The following CDH13 variants were observed in gnomAD, a reference collection of about 807,000 sequenced individuals.
The protein encoded by CDH13 is cadherin-13.
A neutral mutation model predicts 63.8 loss-of-function variants in CDH13; 24 were observed. That is an observed-to-expected ratio of 0.38 (90% CI 0.27 to 0.53). The LOEUF (loss-of-function observed/expected upper bound fraction) is 0.53. CDH13 is among the 20% of genes least tolerant of loss of function. CDH13 has a pLI of 0.85. For synonymous variants in CDH13, 503 were observed against 355.3 expected (o/e 1.42, Z -4.67); for missense variants, 1,049 against 903.1 (o/e 1.16, Z -2.07).
At chr16:82,914,082 G>T (rs2041914334) in intron 2 of CDH13, among the ~76,000 whole-genome samples, 1 of 152,104 alleles carries the variant, frequency 6.6e-6, no homozygotes, top group Non-Finnish European at 1.5e-5. Flanking sequence ...CTCTGAGGAA[G>T]GGACGTACAG....
intron 4 of CDH13, among the ~76,000 whole-genome samples, chr16:83,145,022 C>T (rs947658988): frequency 6.6e-5 from 10 of 152,002 alleles, no homozygotes; most frequent in African/African-American, 2.4e-4. Context: ...ATGGAGACGC[C>T]GTGGCTATGT....
At position 83,665,018 on chromosome 16, in the gene CDH13, A is replaced by G. The variant is rs78048076; in HGVS notation, c.1102-5772A>G. ...AAATGAATTGTTGTATCTTTCCGCC[A>G]TGAGATAAATCCTAATCATAGAAGA... is the stretch of plus-strand genomic sequence containing the variant. On this transcript the variant is annotated intron_variant, in intron 8 of 13. Coordinates refer to ENST00000567109, the MANE Select transcript of CDH13 (RefSeq NM_001257.5). 3.3e-3 allele frequency among the ~76,000 whole-genome samples: 508 copies of G among 152,318 alleles called. 7 individuals are homozygous for G. The highest frequency in any genetic ancestry group is 0.012 in the African/African-American group (488 of 41,564).
intron 1 of CDH13, among the ~76,000 whole-genome samples, chr16:82,702,413 C>T (rs368756634): frequency 2.6e-5 from 4 of 152,138 alleles, no homozygotes; most frequent in African/African-American, 7.2e-5. Context: ...ACAGCAGGGC[C>T]CCTGTCTTGT....
intron 1 of CDH13, chr16:82,825,806 C>T (rs1016885906): frequency 6.6e-6 from 1 of 151,692 alleles, no homozygotes; most frequent in Non-Finnish European, 1.5e-5. Flanking sequence ...CTCAGCCTCC[C>T]ACAGTGCGAG....
intron 11 of CDH13, among the ~76,000 whole-genome samples, chr16:83,762,423 G>A (rs1914049904): frequency 6.6e-6 from 1 of 152,168 alleles, no homozygotes; most frequent in Non-Finnish European, 1.5e-5. Context: ...CCAAGCGGTA[G>A]AGAGAACATT....
intron 6 of CDH13, among the ~76,000 whole-genome samples, chr16:83,482,007 A>G (rs2073777934): frequency 6.6e-6 from 1 of 152,208 alleles, no homozygotes; most frequent in Non-Finnish European, 1.5e-5. Context: ...CACCTGCTGC[A>G]TGTCAGCCCT....
chr16:83,292,166 C>T (rs139400507), intron 5 of CDH13, among the ~76,000 whole-genome samples: 1 of 152,308 alleles, frequency 6.6e-6, no homozygotes, highest in East Asian at 1.9e-4. Context: ...AACTTGGTAT[C>T]TGTCAACTGA....
intron 6 of CDH13, among the ~76,000 whole-genome samples, chr16:83,413,431 A>C (rs2092155906): frequency 6.6e-6 from 1 of 152,184 alleles, no homozygotes; most frequent in African/African-American, 2.4e-5. Flanking sequence ...AAACCGAGCG[A>C]CTTTCATTCC....
At chr16:83,675,383 A>G (rs1914869370) in intron 9 of CDH13, among the ~76,000 whole-genome samples, 1 of 152,146 alleles carries the variant, frequency 6.6e-6, no homozygotes, top group Non-Finnish European at 1.5e-5. Context: ...CCAGCCTCAC[A>G]TTGTATGGCT....
intron 1 of CDH13, among the ~76,000 whole-genome samples, chr16:82,729,942 C>T (rs2033310549): frequency 6.6e-6 from 1 of 152,300 alleles, no homozygotes; most frequent in African/African-American, 2.4e-5. Context: ...CTTTAAACCT[C>T]ATGAACCAAA....
At chr16:83,486,403 C>T in intron 6 of CDH13, 74 bp from the exon 7 acceptor site, 1 of 1,318,488 alleles carries the variant, frequency 7.6e-7, no homozygotes, top group Non-Finnish European at 1.1e-6. Flanking sequence ...TGCTATTGCC[C>T]AGGTGGGGAA....
chr16:83,770,570 C>T (rs1304223805), intron 11 of CDH13, among the ~76,000 whole-genome samples: 2 of 152,200 alleles, frequency 1.3e-5, no homozygotes, highest in East Asian at 1.9e-4. Context: ...AGAATGGCTA[C>T]TCCCCGTAGA....
In CDH13 at chr16:83,120,280, T is replaced by G. The variant is rs568472505; in HGVS notation, c.367-5105T>G. On this transcript the variant is annotated intron_variant, in intron 3 of 13. Transcript: ENST00000567109. ...AATCAAGGAAATGGATGGGCAGCTG[T>G]GGAGTTGATGAGCTGGTGAGCTGGG... Among the ~76,000 whole-genome samples the G allele has an allele frequency of 3.9e-5, 6 of 152,220 alleles. No homozygotes were observed. The East Asian group carries it at 1.2e-3, about 29-fold the overall frequency.
chr16:83,559,774 A>G (rs948063290), intron 7 of CDH13, among the ~76,000 whole-genome samples: 1 of 152,168 alleles, frequency 6.6e-6, no homozygotes, highest in African/African-American at 2.4e-5. Context: ...TCTTACTGTC[A>G]CAAAGAACAG....
At chr16:82,963,234 C>G (rs1173515905) in intron 2 of CDH13, among the ~76,000 whole-genome samples, 1 of 150,062 alleles carries the variant, frequency 6.7e-6, no homozygotes, top group African/African-American at 2.5e-5. Context: ...AAAAAAATTG[C>G]CAGGTGTGGT....
At chr16:83,683,052 A>G (rs1012994632) in intron 10 of CDH13, among the ~76,000 whole-genome samples, 1 of 152,232 alleles carries the variant, frequency 6.6e-6, no homozygotes, top group South Asian at 2.1e-4. Context: ...GACCGCGGCC[A>G]GACACCCTTT....
intron 10 of CDH13, among the ~76,000 whole-genome samples, chr16:83,723,344 C>G (rs1401830322): frequency 2.0e-5 from 3 of 152,210 alleles, no homozygotes; most frequent in East Asian, 1.9e-4. Flanking sequence ...CTCTCCATGT[C>G]CCACAGATAC....
chr16:83,048,478 T>C (rs994971772), intron 3 of CDH13, among the ~76,000 whole-genome samples: 2 of 152,196 alleles, frequency 1.3e-5, no homozygotes, highest in Admixed American at 6.5e-5. Flanking sequence ...TCATCTTTAA[T>C]TTATTGCTCT....
chr16:83,632,272 GTCCTACA>G (rs1910845579), intron 8 of CDH13, among the ~76,000 whole-genome samples: 8 of 3,078 alleles, frequency 2.6e-3, no homozygotes, highest in Admixed American at 0.024. Context: ...GTAGAGACGT[GTCCTACA>G]GTGAAATTAG....
Sources: allele counts gnomAD v4.1 joint callset (sites outside exome capture counted in the v4.1 genomes callset), GRCh38; gene constraint gnomAD v4.1.1; transcripts MANE v1.5; gene names NCBI Gene and HGNC (gene_info 2026-07-23, HGNC 2026-07-21).